The following NR6A1 variants were observed in gnomAD, a reference collection of about 807,000 sequenced individuals.
NR6A1 encodes retinoic acid receptor-related testis-associated receptor.
NR6A1 carries 7 observed loss-of-function variants against 59.1 expected under a neutral mutation model. The observed-to-expected ratio is 0.12, with a 90% confidence interval of 0.07 to 0.22. NR6A1 has a LOEUF of 0.22. NR6A1 is among the 10% of genes least tolerant of loss of function. The pLI, the probability that NR6A1 is intolerant of heterozygous loss-of-function variation, is 1.00. For synonymous variants in NR6A1, 243 were observed against 236.1 expected (o/e 1.03, Z -0.27); for missense variants, 468 against 611.6 (o/e 0.77, Z 2.48).
intron 2 of NR6A1, among the ~76,000 whole-genome samples, chr9:124,685,338 T>C (rs1483725675): frequency 2.0e-5 from 3 of 152,164 alleles, no homozygotes; most frequent in African/African-American, 2.4e-5. Flanking sequence ...TGGGAGGAGT[T>C]GGGGGAGACA....
At chr9:124,602,606 A>G (rs372698935) in intron 2 of NR6A1, among the ~76,000 whole-genome samples, 1 of 152,310 alleles carries the variant, frequency 6.6e-6, no homozygotes, top group East Asian at 1.9e-4. Context: ...TTCAGCCCTC[A>G]CTTCTCTGGT....
chr9:124,641,709 TGTGGGAAATTA>T (rs1836771630), intron 2 of NR6A1, among the ~76,000 whole-genome samples: 1 of 152,110 alleles, frequency 6.6e-6, no homozygotes, highest in Non-Finnish European at 1.5e-5. Context: ...AGGGGAGAGC[TGTGGGAAATTA>T]GTTGGGAAGG....
intron 2 of NR6A1, among the ~76,000 whole-genome samples, chr9:124,667,656 T>C (rs1372047563): frequency 2.0e-5 from 3 of 152,220 alleles, no homozygotes; most frequent in Non-Finnish European, 4.4e-5. Context: ...TGGAGTCTCA[T>C]GTCCTACCAC....
At chr9:124,553,572 T>TTTTTTTTTTTTTTTTTTTG (rs1833844050) in intron 3 of NR6A1, among the ~76,000 whole-genome samples, 1 of 146,372 alleles carries the variant, frequency 6.8e-6, no homozygotes, top group Non-Finnish European at 1.5e-5. Context: ...TTTTTTTTTT[T>TTTTTTTTTTTTTTTTTTTG]TTCGTTTTTT....
At position 124,685,354 on chromosome 9, in the gene NR6A1, T is replaced by C. The variant is rs560447919; in HGVS notation, c.142+47954A>G. On this transcript the variant is annotated intron_variant, in intron 2 of 9. Transcript: ENST00000487099. ...GGGAGGAGTTGGGGGAGACAGGGTC[T>C]CACTCCGTCGCCCAGGCTGGAGTGC... 3.9e-5 allele frequency among the ~76,000 whole-genome samples: 6 copies of C among 152,332 alleles called. No individual in the cohort carries two copies. In the East Asian group the frequency reaches 9.6e-4, roughly 24 times the overall value.
At chr9:124,691,043 T>A (rs1302761253) in intron 2 of NR6A1, among the ~76,000 whole-genome samples, 1 of 152,206 alleles carries the variant, frequency 6.6e-6, no homozygotes, top group East Asian at 1.9e-4. Flanking sequence ...GTATTTTTTT[T>A]AAAGTCTAAA....
chr9:124,566,926 G>A (rs1834262300), intron 2 of NR6A1, among the ~76,000 whole-genome samples: 1 of 152,090 alleles, frequency 6.6e-6, no homozygotes, highest in African/African-American at 2.4e-5. Context: ...GGCTAAAACG[G>A]TGAAACCCCG....
chr9:124,670,699 G>A (rs1252460955), intron 2 of NR6A1, among the ~76,000 whole-genome samples: 1 of 152,176 alleles, frequency 6.6e-6, no homozygotes, highest in African/African-American at 2.4e-5. Flanking sequence ...AGAGCAGTGA[G>A]GAAAAGATGT....
chr9:124,727,659 T>C lies in NR6A1; in HGVS notation c.142+5649A>G, dbSNP rs1422149713. 2.6e-5 allele frequency among the ~76,000 whole-genome samples: 4 copies of C among 152,290 alleles called. No individual in the cohort carries two copies. The East Asian group carries it at 7.7e-4, about 29-fold the overall frequency. The stretch of plus-strand genomic sequence containing the variant: ...TCGCTTTCTTAAATATTGTGACTCT[T>C]ATGCTCTCCGCTTTTTAATGACTTT... On this transcript the variant is annotated intron_variant, in intron 2 of 9. Transcript: ENST00000487099.
At chr9:124,553,549 C>CTTTT (rs780925768) in intron 3 of NR6A1, among the ~76,000 whole-genome samples, 56 of 47,260 alleles carry the variant, frequency 1.2e-3, no homozygotes, top group African/African-American at 4.1e-3. Flanking sequence ...TTTAGCTTGA[C>CTTTT]TTTTTTTTTT....
intron 2 of NR6A1, among the ~76,000 whole-genome samples, chr9:124,700,574 T>C (rs1220395833): frequency 1.3e-5 from 2 of 151,968 alleles, no homozygotes; most frequent in Non-Finnish European, 2.9e-5. Context: ...TGTTGTAGCA[T>C]GTACTGGTAA....
intron 2 of NR6A1, among the ~76,000 whole-genome samples, chr9:124,637,907 A>AAAAAAG (rs1836660540): frequency 6.6e-6 from 1 of 150,684 alleles, no homozygotes; most frequent in Non-Finnish European, 1.5e-5. Context: ...AAAAAAAAAA[A>AAAAAAG]AAAAAGAAAA....
intron 2 of NR6A1, among the ~76,000 whole-genome samples, chr9:124,672,005 T>C (rs989988059): frequency 6.6e-6 from 1 of 152,212 alleles, no homozygotes; most frequent in Non-Finnish European, 1.5e-5. Flanking sequence ...TTCTGATCTC[T>C]ATCATCTAGT....
intron 1 of NR6A1, among the ~76,000 whole-genome samples, chr9:124,745,116 T>C (rs1297804448): frequency 6.6e-6 from 1 of 152,240 alleles, no homozygotes. Context: ...GATTAAATTA[T>C]GTACACTTAT....
chr9:124,671,410 A>G (rs1199052459), intron 2 of NR6A1, among the ~76,000 whole-genome samples: 5 of 152,172 alleles, frequency 3.3e-5, no homozygotes, highest in East Asian at 3.8e-4. Context: ...GCAAGGCACC[A>G]TAAGGTTTCA....
intron 2 of NR6A1, among the ~76,000 whole-genome samples, chr9:124,577,179 T>A (rs934925191): frequency 1.3e-5 from 2 of 152,238 alleles, no homozygotes; most frequent in South Asian, 2.1e-4. Context: ...TTTATAGGCC[T>A]CTATTAGAGA....
intron 8 of NR6A1, among the ~76,000 whole-genome samples, chr9:124,526,215 A>G (rs1049958762): frequency 9.9e-5 from 15 of 152,172 alleles, no homozygotes; most frequent in African/African-American, 3.6e-4. Context: ...GCCCCTTTGC[A>G]GGTAAGATAC....
intron 7 of NR6A1, 148 bp from the exon 8 acceptor site, chr9:124,527,048 T>C (rs1020197875): frequency 2.0e-5 from 19 of 950,962 alleles, no homozygotes; most frequent in Non-Finnish European, 2.5e-5. Context: ...GGCAGATCCA[T>C]GCTTTGTCTA....
intron 1 of NR6A1, among the ~76,000 whole-genome samples, chr9:124,744,936 C>A (rs2131156978): frequency 6.6e-6 from 1 of 152,254 alleles, no homozygotes; most frequent in South Asian, 2.1e-4. Flanking sequence ...CAGAATGTAC[C>A]TTTTTCCTTA....
Sources: gnomAD v4.1 joint callset for allele counts (sites outside exome capture counted in the v4.1 genomes callset) on GRCh38, gnomAD v4.1.1 for gene constraint, MANE v1.5 for transcripts, NCBI Gene and HGNC (gene_info 2026-07-23, HGNC 2026-07-21) for gene names.